Variants in RANBP9 observed in about 807,000 individuals in gnomAD.
RANBP9 encodes the protein ran-binding protein 9.
Under a neutral mutation model 84.3 loss-of-function variants are expected in RANBP9, and 15 were observed. The ratio of observed to expected loss-of-function variants is 0.18; its 90% confidence interval spans 0.12 to 0.27. The LOEUF (loss-of-function observed/expected upper bound fraction) is 0.27. Among genes scored for constraint, RANBP9 ranks in the 10% least tolerant of loss-of-function variants. The pLI is 1.00. For synonymous variants in RANBP9, 392 were observed against 349.6 expected (o/e 1.12, Z -1.35); for missense variants, 809 against 912.8 (o/e 0.89, Z 1.46).
In RANBP9 at chr6:13,711,564, C is replaced by T. The variant is rs1162864574; in HGVS notation, c.-59G>A. The stretch of plus-strand genomic sequence containing the variant: ...CTCTTCTCTCCTTCCTCCTCTGCTT[C>T]CCGGGGGCGCTGTCGCTGCGGCCGC... On this transcript the variant is annotated 5_prime_UTR_variant, in exon 1 of 14. Transcript: ENST00000011619. 4.1e-6 allele frequency: 5 copies of T among 1,229,408 alleles called. No individual in the cohort carries two copies. Among genetic ancestry groups the T allele is most frequent in the African/African-American group, 1.6e-5 (1 of 63,770 alleles). 76.2% of individuals were successfully genotyped at this position (1,229,408 alleles called of 1,614,324 possible).
intron 2 of RANBP9, among the ~76,000 whole-genome samples, chr6:13,659,592 G>T (rs989561509): frequency 2.6e-5 from 4 of 152,120 alleles, no homozygotes; most frequent in East Asian, 1.9e-4. Flanking sequence ...CAATACACTT[G>T]TAAGTATTAA....
intron 1 of RANBP9, among the ~76,000 whole-genome samples, chr6:13,708,667 C>T (rs776446568): frequency 6.6e-6 from 1 of 152,100 alleles, no homozygotes; most frequent in African/African-American, 2.4e-5. Context: ...AATAAAAATT[C>T]ACTCTTCTTA....
chr6:13,696,629 A>G (rs973036391), intron 2 of RANBP9, among the ~76,000 whole-genome samples, 156 bp downstream of exon 2: 29 of 152,264 alleles, frequency 1.9e-4, no homozygotes, highest in African/African-American at 6.5e-4. Flanking sequence ...CTAGTATTTA[A>G]GCATAACCAG....
intron 1 of RANBP9, among the ~76,000 whole-genome samples, chr6:13,710,285 G>C (rs1226219839): frequency 6.6e-6 from 1 of 152,002 alleles, no homozygotes; most frequent in Non-Finnish European, 1.5e-5. Context: ...ACCTGTATAG[G>C]GCACTTCCAA....
intron 2 of RANBP9, among the ~76,000 whole-genome samples, chr6:13,663,831 A>T (rs1275777894): frequency 6.6e-6 from 1 of 152,104 alleles, no homozygotes; most frequent in African/African-American, 2.4e-5. Flanking sequence ...AAAACACCTG[A>T]TACAATTTAA....
intron 1 of RANBP9, among the ~76,000 whole-genome samples, chr6:13,705,385 C>T (rs1188734906): frequency 9.2e-6 from 1 of 108,380 alleles, no homozygotes. Context: ...TCGGCCTGGG[C>T]GACAGAGCAA....
intron 12 of RANBP9, among the ~76,000 whole-genome samples, chr6:13,631,296 T>C (rs1175883499): frequency 6.6e-6 from 1 of 152,174 alleles, no homozygotes; most frequent in African/African-American, 2.4e-5. Context: ...AAATACAAGA[T>C]TGCATGCCTT....
chr6:13,625,816 C>G (rs1294667821), intron 12 of RANBP9, 52 bp from the exon 13 acceptor site: 2 of 1,285,358 alleles, frequency 1.6e-6, no homozygotes, highest in Non-Finnish European at 2.3e-6. Context: ...AACTATTATG[C>G]TCACAAATGT....
At chr6:13,629,617 T>A (rs1179586575) in intron 12 of RANBP9, among the ~76,000 whole-genome samples, 1 of 152,098 alleles carries the variant, frequency 6.6e-6, no homozygotes, top group East Asian at 1.9e-4. Flanking sequence ...TACTAAAGGG[T>A]CCTTGCAGGC....
At chr6:13,671,794 C>G (rs1017400527) in intron 2 of RANBP9, among the ~76,000 whole-genome samples, 23 of 152,114 alleles carry the variant, frequency 1.5e-4, no homozygotes, top group African/African-American at 5.3e-4. Flanking sequence ...ATACAACTCT[C>G]ATTAAAAAAA....
chr6:13,706,350 C>G (rs1193394611), intron 1 of RANBP9, among the ~76,000 whole-genome samples: 2 of 150,404 alleles, frequency 1.3e-5, no homozygotes, highest in Admixed American at 6.6e-5. Flanking sequence ...TCTCAAAAAA[C>G]AACAAAAAAG....
intron 12 of RANBP9, among the ~76,000 whole-genome samples, chr6:13,630,843 A>T (rs1298280908): frequency 2.1e-5 from 3 of 144,882 alleles, no homozygotes; most frequent in South Asian, 4.3e-4. Flanking sequence ...TCATTTTTCT[A>T]TTTTTTTTTT....
chr6:13,625,373 A>ACATTCGTGGCTAC (rs932011244), intron 13 of RANBP9, among the ~76,000 whole-genome samples: 1 of 152,152 alleles, frequency 6.6e-6, no homozygotes, highest in Non-Finnish European at 1.5e-5. Flanking sequence ...AGAGAAGTAG[A>ACATTCGTGGCTAC]CATTCGTGGC....
intron 2 of RANBP9, among the ~76,000 whole-genome samples, chr6:13,682,593 C>A (rs1260628321): frequency 2.0e-5 from 3 of 152,054 alleles, no homozygotes; most frequent in Non-Finnish European, 4.4e-5. Context: ...ACTGGGATTA[C>A]AGGCGCCCAC....
intron 1 of RANBP9, among the ~76,000 whole-genome samples, chr6:13,705,867 T>TTAAAAAAAAAAAA (rs1161781206): frequency 2.3e-5 from 1 of 43,450 alleles, no homozygotes; most frequent in African/African-American, 1.2e-4. Flanking sequence ...AGACTCCGTC[T>TTAAAAAAAAAAAA]CAAAAAAAAA....
At chr6:13,666,567 G>C (rs960231199) in intron 2 of RANBP9, among the ~76,000 whole-genome samples, 1 of 126,564 alleles carries the variant, frequency 7.9e-6, no homozygotes, top group African/African-American at 3.0e-5. Flanking sequence ...CTTGAGTCCA[G>C]GAGTTCAAGA....
chr6:13,663,027 T>C (rs1765569982), intron 2 of RANBP9, among the ~76,000 whole-genome samples: 1 of 151,998 alleles, frequency 6.6e-6, no homozygotes, highest in African/African-American at 2.4e-5. Context: ...TTGAAAATAA[T>C]TCCCCAAATT....
rs1182549800 is a variant in RANBP9, at chr6:13,711,302, G to A, written c.204C>T (p.Leu68=). The A allele has an allele frequency of 9.6e-6, 10 of 1,038,660 alleles. No homozygotes were observed. The African/African-American group carries it at 1.0e-4, about 11-fold the overall frequency. 64.3% of individuals were successfully genotyped at this position (1,038,660 alleles called of 1,614,324 possible). A position where few individuals can be genotyped will look rare whatever the true frequency, so the allele number is the denominator to read the frequency against. ...EGLGAAAAAL[L]LHPPPPPPPA... is the part of the protein sequence containing the mutation. ...GGGGCGGCGGCGGCGGAGGGTGGAG[G>A]AGCAGGGCGGCCGCCGCGGCCCCTA... The change falls in exon 1 of 14, where the codon CTC becomes CTT. Residue 68 remains leucine (L), a synonymous_variant. Coordinates refer to ENST00000011619, the MANE Select transcript of RANBP9 (RefSeq NM_005493.3).
chr6:13,687,003 A>G (rs1766205512), intron 2 of RANBP9, among the ~76,000 whole-genome samples: 1 of 152,232 alleles, frequency 6.6e-6, no homozygotes, highest in South Asian at 2.1e-4. Flanking sequence ...ATAGAATCTT[A>G]GATGATTATG....
Sources: allele counts gnomAD v4.1 joint callset (sites outside exome capture counted in the v4.1 genomes callset), GRCh38; gene constraint gnomAD v4.1.1; transcripts MANE v1.5; gene names NCBI Gene and HGNC (gene_info 2026-07-23, HGNC 2026-07-21).